CAMKMT: variants seen among roughly 807,000 people sequenced by gnomAD.
CAMKMT encodes the protein CaM KMT.
Under a neutral mutation model 48.0 loss-of-function variants are expected in CAMKMT, and 53 were observed. That is an observed-to-expected ratio of 1.10 (90% CI 0.89 to 1.39). The LOEUF is 1.39. CAMKMT is among the 40% of genes most tolerant of loss of function. The pLI, the probability that CAMKMT is intolerant of heterozygous loss-of-function variation, is 0.00. For missense variants in CAMKMT, 428 were observed against 402.7 expected (o/e 1.06, Z -0.54); for synonymous variants, 165 against 152.3 (o/e 1.08, Z -0.61).
At chr2:44,510,790 T>C (rs993197458) in intron 3 of CAMKMT, among the ~76,000 whole-genome samples, 1 of 152,130 alleles carries the variant, frequency 6.6e-6, no homozygotes, top group African/African-American at 2.4e-5. Context: ...ATGTAGTCTT[T>C]TATCCCTCAC....
At chr2:44,737,092 T>A (rs4953132) in intron 7 of CAMKMT, among the ~76,000 whole-genome samples, 4 of 152,150 alleles carry the variant, frequency 2.6e-5, no homozygotes, top group Admixed American at 2.6e-4. Context: ...CTGAATGTTT[T>A]TATATTTCTG....
At chr2:44,515,411 G>C (rs1053859351) in intron 3 of CAMKMT, among the ~76,000 whole-genome samples, 4 of 152,160 alleles carry the variant, frequency 2.6e-5, no homozygotes, top group African/African-American at 9.7e-5. Context: ...GCTCTGGTAA[G>C]GGATATCTAT....
chr2:44,763,027 T>C (rs1558841403), intron 9 of CAMKMT, among the ~76,000 whole-genome samples: 1 of 152,238 alleles, frequency 6.6e-6, no homozygotes, highest in Non-Finnish European at 1.5e-5. Context: ...TCGTAAAGCA[T>C]ATCCCTCTGA....
Position 44,446,686 on chromosome 2 carries a change from G to A in CAMKMT, c.376+56381G>A, listed in dbSNP as rs557818532. 2.0e-5 allele frequency among the ~76,000 whole-genome samples: 3 copies of A among 152,130 alleles called. No individual in the cohort carries two copies. The East Asian group carries it at 5.8e-4, about 29-fold the overall frequency. On this transcript the variant is annotated intron_variant, in intron 3 of 10. Coordinates refer to ENST00000378494, the MANE Select transcript of CAMKMT (RefSeq NM_024766.5). ...CATTCACTTCAACAACTTAAGTTCC[G>A]ACCTAGAGGCCTCCATCTCAGTCTT... is the stretch of plus-strand genomic sequence containing the variant.
At chr2:44,408,337 T>C (rs1384847443) in intron 3 of CAMKMT, among the ~76,000 whole-genome samples, 1 of 152,142 alleles carries the variant, frequency 6.6e-6, no homozygotes, top group African/African-American at 2.4e-5. Context: ...TTTTACTCTT[T>C]ATAGATTGCT....
intron 7 of CAMKMT, among the ~76,000 whole-genome samples, chr2:44,725,425 T>C (rs1678727580): frequency 1.3e-5 from 2 of 152,166 alleles, no homozygotes; most frequent in African/African-American, 2.4e-5. Flanking sequence ...CTGCCTTTAG[T>C]AAGCTCAAGA....
At chr2:44,423,784 A>C (rs1684086747) in intron 3 of CAMKMT, among the ~76,000 whole-genome samples, 1 of 152,252 alleles carries the variant, frequency 6.6e-6, no homozygotes, top group Non-Finnish European at 1.5e-5. Context: ...TGAAGGCTTT[A>C]TAATGAAAAT....
chr2:44,645,503 A>T (rs1426920253), intron 3 of CAMKMT, among the ~76,000 whole-genome samples: 1 of 152,126 alleles, frequency 6.6e-6, no homozygotes, highest in Non-Finnish European at 1.5e-5. Context: ...CAAAACCAAA[A>T]GGTCCTTATT....
chr2:44,458,042 C>CTTTTTTTTTTTTTTTTTT (rs541348745), intron 3 of CAMKMT, among the ~76,000 whole-genome samples: 1 of 75,396 alleles, frequency 1.3e-5, no homozygotes, highest in African/African-American at 5.6e-5. Flanking sequence ...AGCTTTGTGA[C>CTTTTTTTTTTTTTTTTTT]TTTTTTTTTT....
chr2:44,765,059 C>T (rs528788693), intron 9 of CAMKMT, among the ~76,000 whole-genome samples: 2 of 151,804 alleles, frequency 1.3e-5, no homozygotes, highest in Non-Finnish European at 2.9e-5. Context: ...CCCATCTCGA[C>T]TAAAAATACA....
intron 2 of CAMKMT, among the ~76,000 whole-genome samples, chr2:44,380,827 C>T (rs1325426629): frequency 2.0e-5 from 3 of 152,064 alleles, no homozygotes; most frequent in Non-Finnish European, 4.4e-5. Context: ...CTGCCTACCC[C>T]CTTAAAAAGG....
At chr2:44,581,129 A>G (rs910236808) in intron 3 of CAMKMT, among the ~76,000 whole-genome samples, 1 of 152,128 alleles carries the variant, frequency 6.6e-6, no homozygotes, top group African/African-American at 2.4e-5. Flanking sequence ...AGGCAGTGCA[A>G]GTATGTTTCC....
intron 3 of CAMKMT, among the ~76,000 whole-genome samples, chr2:44,602,122 C>T (rs972533553): frequency 2.0e-5 from 3 of 152,072 alleles, no homozygotes; most frequent in Non-Finnish European, 4.4e-5. Context: ...CCTCCCACCT[C>T]AGCCTCTCTA....
At chr2:44,376,709 T>C (rs1170067122) in intron 2 of CAMKMT, among the ~76,000 whole-genome samples, 1 of 152,160 alleles carries the variant, frequency 6.6e-6, no homozygotes, top group Non-Finnish European at 1.5e-5. Context: ...AAATACCTAG[T>C]TGTATCTTGT....
intron 3 of CAMKMT, among the ~76,000 whole-genome samples, chr2:44,666,198 A>G (rs1674956530): frequency 6.6e-6 from 1 of 152,208 alleles, no homozygotes; most frequent in African/African-American, 2.4e-5. Flanking sequence ...TGTGAGGGAA[A>G]AAATTGTTCG....
intron 7 of CAMKMT, among the ~76,000 whole-genome samples, chr2:44,733,889 A>G (rs1417869703): frequency 6.6e-6 from 1 of 152,030 alleles, no homozygotes; most frequent in Non-Finnish European, 1.5e-5. Context: ...TATCCTCTTA[A>G]TATTTATGGA....
intron 3 of CAMKMT, among the ~76,000 whole-genome samples, chr2:44,545,681 C>CCT (rs1553412529): frequency 1.5e-5 from 2 of 135,674 alleles, no homozygotes; most frequent in African/African-American, 5.5e-5. Context: ...TAGACTCGGT[C>CCT]TTTTTTTTTT....
chr2:44,631,469 A>AT (rs1672825654), intron 3 of CAMKMT: 1 of 600,858 alleles, frequency 1.7e-6, no homozygotes, highest in African/African-American at 1.9e-5. Context: ...AAAAAAAACA[A>AT]TTTTTTATTT....
rs764642128 is a variant in CAMKMT at position 44,414,876 on chromosome 2, C to T, written c.376+24571C>T. 1.2e-4 allele frequency among the ~76,000 whole-genome samples: 19 copies of T among 152,308 alleles called. No individual in the cohort carries two copies. In the East Asian group the frequency reaches 3.7e-3, roughly 29 times the overall value. On this transcript the variant is annotated intron_variant, in intron 3 of 10. Transcript: ENST00000378494. ...TAAGTTTGAATTTTTAAAAAATCGG[C>T]CAGGCGTGGTGGCTTATGCCTGTAA...
Sources: allele counts gnomAD v4.1 joint callset (sites outside exome capture counted in the v4.1 genomes callset), GRCh38; gene constraint gnomAD v4.1.1; transcripts MANE v1.5; gene names NCBI Gene and HGNC (gene_info 2026-07-23, HGNC 2026-07-21).